The following TMEM266 variants were observed in gnomAD, a reference collection of about 807,000 sequenced individuals.
TMEM266 encodes the protein Hv1 related protein 1.
In TMEM266, 33 loss-of-function variants were observed where a neutral mutation model predicts 50.5. That is an observed-to-expected ratio of 0.65 (90% CI 0.50 to 0.87). TMEM266 has a LOEUF of 0.87. TMEM266 is among the 40% of genes least tolerant of loss of function. The pLI is 0.00. For synonymous variants in TMEM266, 310 were observed against 292.3 expected (o/e 1.06, Z -0.62); for missense variants, 655 against 695.1 (o/e 0.94, Z 0.65).
At chr15:76,194,417 T>C (rs1285900873) in intron 9 of TMEM266, among the ~76,000 whole-genome samples, 2 of 152,166 alleles carry the variant, frequency 1.3e-5, no homozygotes, top group African/African-American at 2.4e-5. Context: ...TGTTCCAAAA[T>C]CTTTCATGCC....
chr15:76,176,886 A>G (rs2038291535), intron 8 of TMEM266, among the ~76,000 whole-genome samples: 1 of 152,136 alleles, frequency 6.6e-6, no homozygotes, highest in Admixed American at 6.5e-5. Context: ...TGCCCGTCCT[A>G]TCGACCTCCT....
chr15:76,089,812 T>A (rs529140386), intron 1 of TMEM266, among the ~76,000 whole-genome samples: 2 of 152,148 alleles, frequency 1.3e-5, no homozygotes, highest in East Asian at 3.9e-4. Context: ...TGAATTAGGG[T>A]AGCAGTGAGA....
rs1412284072 is a variant in TMEM266 at position 76,187,527 on chromosome 15, GT to G, written c.769-4439del. Among the ~76,000 whole-genome samples, 11 of 152,354 alleles carry G rather than the reference GT, an allele frequency of 7.2e-5. No individual in the cohort carries two copies. In the East Asian group the frequency reaches 1.5e-3, roughly 21 times the overall value. ...GCCTCTGAGACCTTGCTGCCAGAGG[GT>G]TGGCTTGCACCCTGTCATCCTGCAC... is the stretch of plus-strand genomic sequence containing the variant. On this transcript the variant is annotated intron_variant, in intron 8 of 10. Coordinates refer to ENST00000388942, the MANE Select transcript of TMEM266 (RefSeq NM_152335.3).
At chr15:76,076,632 G>GAA (rs2036611694) in intron 1 of TMEM266, among the ~76,000 whole-genome samples, 1 of 152,086 alleles carries the variant, frequency 6.6e-6, no homozygotes, top group South Asian at 2.1e-4. Flanking sequence ...GATACTCACA[G>GAA]GCAGAGCAAG....
chr15:76,092,728 A>G (rs1050465170), intron 1 of TMEM266, among the ~76,000 whole-genome samples: 2 of 151,452 alleles, frequency 1.3e-5, no homozygotes, highest in African/African-American at 4.9e-5. Context: ...TAGTCACTGA[A>G]TCTATACTAT....
intron 1 of TMEM266, among the ~76,000 whole-genome samples, chr15:76,092,546 C>T (rs201988024): frequency 1.3e-5 from 2 of 151,660 alleles, no homozygotes; most frequent in Non-Finnish European, 2.9e-5. Context: ...AAAAATTAGC[C>T]GGGCTTGGTG....
At chr15:76,108,198 G>A (rs1040546004) in intron 1 of TMEM266, among the ~76,000 whole-genome samples, 13 of 152,332 alleles carry the variant, frequency 8.5e-5, no homozygotes, top group African/African-American at 2.9e-4. Flanking sequence ...AGGGCAGCAC[G>A]AATCTCCGAG....
At chr15:76,086,475 A>C (rs768810804) in intron 1 of TMEM266, among the ~76,000 whole-genome samples, 15 of 152,202 alleles carry the variant, frequency 9.9e-5, no homozygotes, top group Non-Finnish European at 1.5e-4. Flanking sequence ...TGAACAAAGA[A>C]TTGGACAAAA....
At chr15:76,141,873 C>T (rs1341076751) in intron 3 of TMEM266, among the ~76,000 whole-genome samples, 1 of 152,208 alleles carries the variant, frequency 6.6e-6, no homozygotes, top group Non-Finnish European at 1.5e-5. Context: ...TTTTGCTTAG[C>T]ATAATGTCCA....
At chr15:76,190,370 T>C (rs1179612598) in intron 8 of TMEM266, among the ~76,000 whole-genome samples, 1 of 152,188 alleles carries the variant, frequency 6.6e-6, no homozygotes, top group African/African-American at 2.4e-5. Context: ...GTGCACGTGC[T>C]TTGTAAGCCA....
rs555240059 is a variant in TMEM266 at position 76,106,545 on chromosome 15, T to C, written c.-96-27623T>C. On this transcript the variant is annotated intron_variant, in intron 1 of 10. Transcript: ENST00000388942. The stretch of plus-strand genomic sequence containing the variant: ...GCCTCAAACTCCTGAACTCAAGCGA[T>C]CCTCCTGCCTCAGCCTCCCAAGTAG... Among the ~76,000 whole-genome samples the C allele has an allele frequency of 3.6e-3, 542 of 152,268 alleles. 4 individuals are homozygous for C. Among genetic ancestry groups the C allele is most frequent in the African/African-American group, 0.013 (526 of 41,556 alleles).
chr15:76,076,202 C>A (rs1470251710), intron 1 of TMEM266, among the ~76,000 whole-genome samples: 1 of 151,930 alleles, frequency 6.6e-6, no homozygotes, highest in Non-Finnish European at 1.5e-5. Context: ...TCCTGAAGAT[C>A]TGTGCCTTAT....
chr15:76,156,810 T>C (rs778806433), intron 4 of TMEM266, 52 bp downstream of exon 4: 9 of 1,581,372 alleles, frequency 5.7e-6, no homozygotes, highest in Middle Eastern at 1.7e-4. Flanking sequence ...CAATATTCAA[T>C]GTGCATCTGC....
chr15:76,156,898 C>T lies in TMEM266; in HGVS notation c.382+140C>T, dbSNP rs376223377. On this transcript the variant is annotated intron_variant, in intron 4 of 10. Coordinates refer to ENST00000388942, the MANE Select transcript of TMEM266 (RefSeq NM_152335.3). ...CTGCCCAGCCTCAGGCCCTGGGGCTCATGGGGATGGCCGCTGGGGAGGAAA... is the reference window on the plus strand; with the variant it reads ...CTGCCCAGCCTCAGGCCCTGGGGCTTATGGGGATGGCCGCTGGGGAGGAAA... 364 of 851,366 alleles carry T rather than the reference C, an allele frequency of 4.3e-4. 3 individuals carry two copies. The highest frequency in any genetic ancestry group is 2.8e-3 in the East Asian group (107 of 38,490). The allele number at this position is 851,366 out of a possible 1,614,324, so 52.7% of individuals were successfully genotyped here. A position where few individuals can be genotyped will look rare whatever the true frequency, so the allele number is the denominator to read the frequency against.
chr15:76,174,541 C>T (rs1173169582), intron 7 of TMEM266, among the ~76,000 whole-genome samples: 5 of 152,164 alleles, frequency 3.3e-5, no homozygotes, highest in Non-Finnish European at 7.3e-5. Context: ...CAGCAAGATT[C>T]CATCTCAAAA....
rs541968168 is a variant in TMEM266, at chr15:76,107,452, A to C, written c.-96-26716A>C. 6.6e-5 allele frequency among the ~76,000 whole-genome samples: 10 copies of C among 152,276 alleles called. No homozygotes were observed. The South Asian group carries it at 1.5e-3, about 22-fold the overall frequency. Reference sequence around the variant, plus strand: ...GGGAGGTGCCTTACACTTACATTCTAATCCTCATAGCACCATTATGAAAGA... The same window carrying C: ...GGGAGGTGCCTTACACTTACATTCTCATCCTCATAGCACCATTATGAAAGA... On this transcript the variant is annotated intron_variant, in intron 1 of 10. Transcript: ENST00000388942.
At chr15:76,140,871 C>CA (rs3068699) in intron 3 of TMEM266, among the ~76,000 whole-genome samples, 4,237 of 133,408 alleles carry the variant, frequency 0.032, 71 homozygotes, top group Non-Finnish European at 0.049. Context: ...CCCATCTCTA[C>CA]AAAAAAAAAA....
intron 1 of TMEM266, among the ~76,000 whole-genome samples, chr15:76,060,553 G>C (rs2036281634): frequency 6.6e-6 from 1 of 152,222 alleles, no homozygotes; most frequent in African/African-American, 2.4e-5. Flanking sequence ...CTGTCTGGAA[G>C]GGATGGTGGG....
intron 1 of TMEM266, among the ~76,000 whole-genome samples, chr15:76,132,908 G>T (rs1170320450): frequency 2.7e-5 from 4 of 150,778 alleles, no homozygotes; most frequent in African/African-American, 4.9e-5. Context: ...GCTGAGGTAG[G>T]TTGATCACTT....
Sources: gnomAD v4.1 joint callset for allele counts (sites outside exome capture counted in the v4.1 genomes callset) on GRCh38, gnomAD v4.1.1 for gene constraint, MANE v1.5 for transcripts, NCBI Gene and HGNC (gene_info 2026-07-23, HGNC 2026-07-21) for gene names.